The following SLC6A13 variants were observed in gnomAD, a reference collection of about 807,000 sequenced individuals.
SLC6A13 encodes sodium- and chloride-dependent GABA transporter 2.
In SLC6A13, 69 loss-of-function variants were observed where a neutral mutation model predicts 72.9. That is an observed-to-expected ratio of 0.95 (90% CI 0.78 to 1.16). The LOEUF (loss-of-function observed/expected upper bound fraction) is 1.16. SLC6A13 is among the 50% of genes most tolerant of loss of function. SLC6A13 has a pLI of 0.00. For missense variants in SLC6A13, 735 were observed against 760.5 expected (o/e 0.97, Z 0.39); for synonymous variants, 303 against 303.0 (o/e 1.00, Z 0.00).
chr12:221,448 A>G lies in SLC6A13; in HGVS notation c.1614T>C (p.Ala538=). The G allele has an allele frequency of 1.9e-6, 3 of 1,613,972 alleles. No homozygotes were observed. Among genetic ancestry groups the G allele is most frequent in the Non-Finnish European group, 2.5e-6 (3 of 1,179,924 alleles). ...CAGGAATGCAGACCATGGAGGACAG[A>G]GCCAGGAGCCAGCCCAGGGCATCGC... ...WWGDALGWLL[A]LSSMVCIPAW... The change falls in exon 14 of 15, where the codon GCT becomes GCC. Residue 538 remains alanine (A), a synonymous_variant. Coordinates refer to ENST00000343164, the MANE Select transcript of SLC6A13 (RefSeq NM_016615.5).
In SLC6A13 at chr12:242,751, A is replaced by G. The variant is rs1197612180; in HGVS notation, c.341T>C (p.Ile114Thr). 2.5e-6 allele frequency: 4 copies of G among 1,580,646 alleles called. No homozygotes were observed. Among genetic ancestry groups the G allele is most frequent in the Admixed American group, 1.8e-5 (1 of 54,388 alleles). Residue 114 changes from isoleucine (I) to threonine (T), a missense_variant, in exon 4 of 15, where the codon ATT becomes ACT. Physicochemically the swap from Ile to Thr is moderately conservative, Grantham distance 89 (BLOSUM62 -1). Transcript: ENST00000343164. ...GACGATCATCTGGGAGGCATAGCCA[A>G]TGCCTGCGGGGAAACTGCAGAATTG... ...WRKICPIFEG[I>T]GYASQMIVIL...
chr12:228,883 T>C (rs944803051), intron 7 of SLC6A13, among the ~76,000 whole-genome samples: 1 of 152,204 alleles, frequency 6.6e-6, no homozygotes, highest in African/African-American at 2.4e-5. Flanking sequence ...TTTCCGAGCT[T>C]CCTGGGTGAT....
intron 11 of SLC6A13, 114 bp downstream of exon 11, chr12:223,878 C>T: frequency 1.7e-6 from 2 of 1,209,440 alleles, no homozygotes; most frequent in South Asian, 1.3e-5. Flanking sequence ...TCCTAGTGTC[C>T]AGAAGCCCAG....
intron 7 of SLC6A13, among the ~76,000 whole-genome samples, chr12:233,691 G>A (rs1480896362): frequency 6.6e-6 from 1 of 152,162 alleles, no homozygotes; most frequent in African/African-American, 2.4e-5. Flanking sequence ...GGGAGAGGAG[G>A]GGAGAAGGAC....
chr12:226,580 T>C, intron 8 of SLC6A13, 66 bp from the exon 9 acceptor site: 1 of 1,546,820 alleles, frequency 6.5e-7, no homozygotes, highest in Non-Finnish European at 8.7e-7. Flanking sequence ...CCTCTCCTGC[T>C]TCCTGTCTGG....
At chr12:221,584 G>T in intron 13 of SLC6A13, 38 bp from the exon 14 acceptor site, 2 of 1,375,360 alleles carry the variant, frequency 1.5e-6, no homozygotes, top group South Asian at 1.4e-5. Flanking sequence ...GTTGGGGGGC[G>T]GGGGCCTTGT....
At chr12:226,669 G>C in intron 8 of SLC6A13, 155 bp from the exon 9 acceptor site, 1 of 890,388 alleles carries the variant, frequency 1.1e-6, no homozygotes. Flanking sequence ...GAATTCAGAG[G>C]ACCACGCAAA....
chr12:235,193 A>T lies in SLC6A13; in HGVS notation c.728T>A (p.Leu243His). 2 of 1,614,170 alleles carry T rather than the reference A, an allele frequency of 1.2e-6. No homozygotes were observed. Among genetic ancestry groups the T allele is most frequent in the Non-Finnish European group, 1.7e-6 (2 of 1,180,022 alleles). ...VVYFTATFPYLMLVVLLIRGV... is the reference protein window; with the variant it reads ...VVYFTATFPYHMLVVLLIRGV... ...TCGAATTAACAGGACCACCAGCATG[A>T]GGTAAGGAAATGTGGCCGTGAAGTA... Residue 243 changes from leucine (L) to histidine (H), a missense_variant, in exon 7 of 15, where the codon CTC (leucine) becomes CAC (histidine). Coordinates refer to ENST00000343164, the MANE Select transcript of SLC6A13 (RefSeq NM_016615.5).
At chr12:253,300 G>C (rs1274506363) in intron 2 of SLC6A13, 2 of 152,248 alleles carry the variant, frequency 1.3e-5, no homozygotes, top group African/African-American at 4.8e-5. Context: ...CAACAGAAGA[G>C]CGAGGAGCTT....
intron 2 of SLC6A13, among the ~76,000 whole-genome samples, chr12:255,003 A>G (rs1377511102): frequency 6.6e-6 from 1 of 152,048 alleles, no homozygotes; most frequent in Non-Finnish European, 1.5e-5. Context: ...CAACAACAAC[A>G]AAACAAAACA....
intron 2 of SLC6A13, among the ~76,000 whole-genome samples, chr12:246,774 G>A (rs552572738): frequency 3.3e-5 from 5 of 152,082 alleles, no homozygotes; most frequent in Admixed American, 1.3e-4. Flanking sequence ...TTGGGAAGCC[G>A]AGGCAGGTGG....
At chr12:243,521 C>T (rs1237293301) in intron 3 of SLC6A13, among the ~76,000 whole-genome samples, 158 bp downstream of exon 3, 1 of 152,230 alleles carries the variant, frequency 6.6e-6, no homozygotes, top group Admixed American at 6.5e-5. Flanking sequence ...GATAGATCAG[C>T]TGACTAGCTC....
chr12:231,610 C>G (rs917932124), intron 7 of SLC6A13, among the ~76,000 whole-genome samples: 1 of 152,196 alleles, frequency 6.6e-6, no homozygotes, highest in Non-Finnish European at 1.5e-5. Context: ...CCCACAGCCC[C>G]AAAGCACTTG....
At chr12:224,308 G>T in intron 10 of SLC6A13, 93 bp downstream of exon 10, 2 of 1,339,960 alleles carry the variant, frequency 1.5e-6, no homozygotes, top group South Asian at 1.2e-5. Flanking sequence ...TCCCCAAAAG[G>T]GCATCCACTT....
At chr12:261,032 G>A (rs1942910092) in intron 1 of SLC6A13, among the ~76,000 whole-genome samples, 2 of 152,294 alleles carry the variant, frequency 1.3e-5, no homozygotes, top group African/African-American at 4.8e-5. Context: ...TCAGCGTAAG[G>A]CAGAGATTTA....
chr12:244,878 G>A (rs889371336), intron 2 of SLC6A13, among the ~76,000 whole-genome samples: 5 of 152,202 alleles, frequency 3.3e-5, no homozygotes, highest in Non-Finnish European at 7.3e-5. Context: ...CATCTCAGGT[G>A]TTCTGTTGTA....
At chr12:221,686 T>A (rs1000820362) in intron 13 of SLC6A13, 140 bp from the exon 14 acceptor site, 1 of 601,598 alleles carries the variant, frequency 1.7e-6, no homozygotes, top group African/African-American at 1.9e-5. Flanking sequence ...CAGCCTCCAA[T>A]CTTCTCCATC....
intron 2 of SLC6A13, among the ~76,000 whole-genome samples, chr12:245,607 G>A (rs1293483213): frequency 3.9e-5 from 6 of 152,006 alleles, no homozygotes; most frequent in African/African-American, 9.7e-5. Flanking sequence ...TTGAACCTGG[G>A]AGGCAGAGGT....
intron 7 of SLC6A13, among the ~76,000 whole-genome samples, chr12:233,992 A>C (rs2137276921): frequency 1.3e-5 from 2 of 152,202 alleles, no homozygotes; most frequent in Non-Finnish European, 2.9e-5. Context: ...TCACCTCACA[A>C]GATACCAGTC....
Sources: gnomAD v4.1 joint callset for allele counts (sites outside exome capture counted in the v4.1 genomes callset) on GRCh38, gnomAD v4.1.1 for gene constraint, MANE v1.5 for transcripts, NCBI Gene and HGNC (gene_info 2026-07-23, HGNC 2026-07-21) for gene names.